BRPF1: variants seen among roughly 807,000 people sequenced by gnomAD.
BRPF1 encodes bromodomain and PHD finger containing 1.
In BRPF1, 15 loss-of-function variants were observed where a neutral mutation model predicts 115.0. The ratio of observed to expected loss-of-function variants is 0.13; its 90% CI spans 0.09 to 0.20. The LOEUF is 0.20. Ranked by LOEUF, BRPF1 falls within the 10% of genes least tolerant of loss-of-function variation. The pLI is 1.00. For missense variants in BRPF1, 1,118 were observed against 1,638.3 expected, an observed-to-expected ratio of 0.68 and a Z score of 5.48; for synonymous variants, 647 against 619.8, an observed-to-expected ratio of 1.04 and a Z score of -0.65.
In BRPF1 at chr3:9,745,725, C is replaced by T. The variant is rs1479609024; in HGVS notation, c.3205+16C>T. 2.2e-5 allele frequency: 35 copies of T among 1,613,314 alleles called. No homozygotes were observed. The highest frequency in any genetic ancestry group is 3.0e-5 in the Non-Finnish European group (35 of 1,179,364). On this transcript the variant is annotated intron_variant, in intron 11 of 13. Transcript: ENST00000383829. The surrounding 1 kb of genome is among the most constrained non-coding windows in gnomAD (Gnocchi z 5.1). ...GGCCACAGCAGTAAGTTCCCTTGCC[C>T]AAGGCCAGGGATGCTGGGGACCCAG...
Position 9,734,700 on chromosome 3 carries a change from A to C in BRPF1, c.560A>C (p.Asp187Ala). ...GTGGTCTATCGGGAGCTGGAACAGG[A>C]CACCCCTGATGCCCCACCCCGGCCA... ...PEVVYRELEQ[D>A]TPDAPPRPTS... The change falls in exon 2 of 14, where the codon GAC (aspartate) becomes GCC (alanine). Residue 187 changes from aspartate to alanine, a missense_variant. By Grantham distance (126) the Asp-to-Ala change is moderately radical. This residue lies in a region of BRPF1 where 280 missense variants were observed against 382.8 expected (regional missense o/e 0.73). Coordinates refer to ENST00000383829, the MANE Select transcript of BRPF1 (RefSeq NM_001003694.2). The surrounding 1 kb of genome is among the most constrained non-coding windows in gnomAD (Gnocchi z 5.7). 1 of 1,614,170 alleles carries C rather than the reference A, an allele frequency of 6.2e-7. No individual in the cohort carries two copies. Among genetic ancestry groups the C allele is most frequent in the Non-Finnish European group, 8.5e-7 (1 of 1,180,036 alleles).
chr3:9,745,381 ACTGCT>A lies in BRPF1; in HGVS notation c.3069-190_3069-186del, dbSNP rs992061369. Among the ~76,000 whole-genome samples the A allele has an allele frequency of 5.9e-5, 9 of 152,262 alleles. No homozygotes were observed. The highest frequency in any genetic ancestry group is 1.2e-4 in the Non-Finnish European group (8 of 68,036). Reference sequence around the variant, plus strand: ...GATTAGAGTATGCACTCCTGCCGCCACTGCTCAGGCTAACCCACCTCTGTTAGGTC... The same window carrying A: ...GATTAGAGTATGCACTCCTGCCGCCACAGGCTAACCCACCTCTGTTAGGTC... On this transcript the variant is annotated intron_variant, in intron 10 of 13. Transcript: ENST00000383829. This position sits in a 1 kb window ranked among gnomAD's most constrained non-coding sequence, Gnocchi z 5.1.
chr3:9,746,693 C>T (rs191095932), intron 13 of BRPF1, among the ~76,000 whole-genome samples: 47 of 151,792 alleles, frequency 3.1e-4, no homozygotes, highest in African/African-American at 1.0e-3. Context: ...AGACTTATGA[C>T]AAATATAGAG....
intron 6 of BRPF1, 127 bp from the exon 7 acceptor site, chr3:9,742,817 A>T (rs1264427720): frequency 9.5e-7 from 1 of 1,053,688 alleles, no homozygotes; most frequent in Admixed American, 2.6e-5. Flanking sequence ...CCCCTGTGCT[A>T]TATGCCTGCC....
chr3:9,742,586 T>A, intron 6 of BRPF1: 2 of 978,506 alleles, frequency 2.0e-6, no homozygotes, highest in Non-Finnish European at 2.4e-6. Context: ...TATAAGTTAC[T>A]GTTAAGTAAA....
At chr3:9,740,637 T>C in intron 3 of BRPF1, 142 bp from the exon 4 acceptor site, 1 of 1,092,110 alleles carries the variant, frequency 9.2e-7, no homozygotes, top group Non-Finnish European at 1.3e-6. Context: ...CTTCCTTGCC[T>C]TAAGTCCAGA....
Position 9,746,406 on chromosome 3 carries a change from C to T in BRPF1, c.3431C>T (p.Ala1144Val), listed in dbSNP as rs1417674948. The change falls in exon 13 of 14, where the codon GCC becomes GTC. Residue 1144 changes from alanine (A) to valine (V), a missense_variant. By Grantham distance (64) the Ala-to-Val change is moderately conservative. Transcript: ENST00000383829. The stretch of plus-strand genomic sequence containing the variant: ...CTTGGGGAGCAGATGACCCAGGAAG[C>T]CCGAGAGCATCTCTACCTCGTCCTC... Reference protein sequence around the residue: ...LKLGEQMTQEAREHLYLVLFF... With the variant: ...LKLGEQMTQEVREHLYLVLFF... The T allele has an allele frequency of 6.2e-7, 1 of 1,608,480 alleles. No homozygotes were observed. Among genetic ancestry groups the T allele is most frequent in the East Asian group, 2.2e-5 (1 of 44,600 alleles).
intron 2 of BRPF1, among the ~76,000 whole-genome samples, chr3:9,736,484 A>G (rs142818134): frequency 1.3e-5 from 2 of 152,154 alleles, no homozygotes; most frequent in African/African-American, 4.8e-5. Context: ...GTTCACACTG[A>G]CTGCCCTACC....
At chr3:9,741,508 G>T in intron 5 of BRPF1, 69 bp downstream of exon 5, 1 of 1,452,160 alleles carries the variant, frequency 6.9e-7, no homozygotes, top group Non-Finnish European at 9.1e-7. Flanking sequence ...ATGGTGGCAG[G>T]CGCCTGTAGT....
chr3:9,744,145 C>T, intron 8 of BRPF1, 79 bp from the exon 9 acceptor site: 2 of 1,435,470 alleles, frequency 1.4e-6, no homozygotes, highest in Non-Finnish European at 1.9e-6. Context: ...GTCCTATATG[C>T]CCAGGGCATG....
chr3:9,737,045 C>T (rs1160382374), intron 2 of BRPF1, among the ~76,000 whole-genome samples: 1 of 152,174 alleles, frequency 6.6e-6, no homozygotes, highest in African/African-American at 2.4e-5. Context: ...GTGCCAAGGC[C>T]TGGAAGAAGC....
In BRPF1 at chr3:9,747,036, T is replaced by C; in HGVS notation, c.3480-130T>C. 2.0e-6 allele frequency: 2 copies of C among 1,006,872 alleles called. No individual in the cohort carries two copies. Among genetic ancestry groups the C allele is most frequent in the South Asian group, 2.9e-5 (2 of 69,028 alleles). 62.4% of individuals were successfully genotyped at this position (1,006,872 alleles called of 1,614,324 possible). On this transcript the variant is annotated intron_variant, in intron 13 of 13. Coordinates refer to ENST00000383829, the MANE Select transcript of BRPF1 (RefSeq NM_001003694.2). The surrounding 1 kb of genome is among the most constrained non-coding windows in gnomAD (Gnocchi z 5.6). ...TCATCTCTAGACCATGAACAGTCCT[T>C]TGAGGGCAGGGACCATCACAGAGTC...
rs771596306 is a variant in BRPF1 at position 9,745,799 on chromosome 3, C to G, written c.3206-13C>G. On this transcript the variant is annotated splice_polypyrimidine_tract_variant and intron_variant, in intron 11 of 13. Coordinates refer to ENST00000383829, the MANE Select transcript of BRPF1 (RefSeq NM_001003694.2). This position sits in a 1 kb window ranked among gnomAD's most constrained non-coding sequence, Gnocchi z 5.1. ...AGCTGCTGATCCACCCCCTCTCCCC[C>G]ATTCCTGTGAAGTGGTAAGGAAGAG... 2 of 1,612,962 alleles carry G rather than the reference C, an allele frequency of 1.2e-6. No homozygotes were observed. The highest frequency in any genetic ancestry group is 1.7e-6 in the Non-Finnish European group (2 of 1,179,222).
chr3:9,742,181 C>T lies in BRPF1; in HGVS notation c.2001+10C>T. ...AACCGAATTGGACGAAGTAAGAATC[C>T]CTTCCCCTCACTCCACCTTCTCTCT... On this transcript the variant is annotated intron_variant, in intron 6 of 13. Coordinates refer to ENST00000383829, the MANE Select transcript of BRPF1 (RefSeq NM_001003694.2). 6.2e-7 allele frequency: 1 copy of T among 1,613,638 alleles called. No individual in the cohort carries two copies. Among genetic ancestry groups the T allele is most frequent in the Non-Finnish European group, 8.5e-7 (1 of 1,179,680 alleles).
Position 9,734,583 on chromosome 3 carries a change from C to T in BRPF1, c.443C>T (p.Ser148Leu). Residue 148 changes from serine (S) to leucine (L), a missense_variant, in exon 2 of 14, where the codon TCA (serine) becomes TTA (leucine). By Grantham distance (145) the Ser-to-Leu change is moderately radical. Coordinates refer to ENST00000383829, the MANE Select transcript of BRPF1 (RefSeq NM_001003694.2). This position sits in a 1 kb window ranked among gnomAD's most constrained non-coding sequence, Gnocchi z 5.7. ...NTETPAATPK[S>L]GKHKNKEKRK... ...GAGACACCAGCTGCTACTCCCAAGTCAGGCAAACATAAGAACAAGGAGAAG... is the reference window on the plus strand; with the variant it reads ...GAGACACCAGCTGCTACTCCCAAGTTAGGCAAACATAAGAACAAGGAGAAG... 1 of 1,614,160 alleles carries T rather than the reference C, an allele frequency of 6.2e-7. No homozygotes were observed. The highest frequency in any genetic ancestry group is 1.3e-5 in the African/African-American group (1 of 75,030).
rs749146251 is a variant in BRPF1 at position 9,743,688 on chromosome 3, A to G, written c.2422A>G (p.Ser808Gly). ...RLDEVNASKQ[S>G]VGRSRRAKMI... ...GGACGAAGTGAATGCCAGCAAGCAG[A>G]GTGTGGGCCGCTCACGGCGTGCAAA... Residue 808 changes from serine to glycine, a missense_variant, in exon 8 of 14, where the codon AGT becomes GGT. Transcript: ENST00000383829. The surrounding 1 kb of genome is among the most constrained non-coding windows in gnomAD (Gnocchi z 6.1). The G allele has an allele frequency of 1.2e-6, 2 of 1,614,038 alleles. No individual in the cohort carries two copies.
rs370240712 is a variant in BRPF1 at position 9,740,947 on chromosome 3, G to A, written c.1722+6G>A. On this transcript the variant is annotated splice_donor_region_variant and intron_variant, in intron 4 of 13. Transcript: ENST00000383829. ...GGAACTGTGACCAAGTTGGGGTACTGTGTCCAGTTCCCTGTGGGCTCTGGG... is the reference window on the plus strand; with the variant it reads ...GGAACTGTGACCAAGTTGGGGTACTATGTCCAGTTCCCTGTGGGCTCTGGG... The A allele has an allele frequency of 1.2e-6, 2 of 1,609,668 alleles. No homozygotes were observed. The highest frequency in any genetic ancestry group is 1.3e-5 in the African/African-American group (1 of 75,044).
Position 9,734,146 on chromosome 3 carries a change from G to C in BRPF1, c.6G>C (p.Gly2=), listed in dbSNP as rs759125488. The C allele has an allele frequency of 3.1e-6, 5 of 1,603,470 alleles. No individual in the cohort carries two copies. Among genetic ancestry groups the C allele is most frequent in the Non-Finnish European group, 4.3e-6 (5 of 1,173,418 alleles). Residue 2 remains glycine, a synonymous_variant, in exon 2 of 14, where the codon GGG becomes GGC. Transcript: ENST00000383829. This position sits in a 1 kb window ranked among gnomAD's most constrained non-coding sequence, Gnocchi z 5.7. M[G]VDFDVKTFCH... ...TGTATTCTAGATGTGACAGCATGGG[G>C]GTGGACTTTGATGTGAAGACTTTCT... is the stretch of plus-strand genomic sequence containing the variant.
chr3:9,736,208 A>G (rs1313036602), intron 2 of BRPF1, among the ~76,000 whole-genome samples: 1 of 151,896 alleles, frequency 6.6e-6, no homozygotes, highest in Non-Finnish European at 1.5e-5. Context: ...GGGTTTCACC[A>G]TGTTGGCCAG....
Sources: gnomAD v4.1 joint callset for allele counts (sites outside exome capture counted in the v4.1 genomes callset) on GRCh38, gnomAD v4.1.1 for gene constraint, gnomAD v4.1.1 regional missense constraint, Gnocchi (gnomAD v3.1) non-coding constraint, MANE v1.5 for transcripts, NCBI Gene and HGNC (gene_info 2026-07-23, HGNC 2026-07-21) for gene names.